The following MYT1L variants were observed in gnomAD, a reference collection of about 807,000 sequenced individuals.
MYT1L encodes the protein myelin transcription factor 1-like protein.
In MYT1L, 12 loss-of-function variants were observed where a neutral mutation model predicts 126.7. The observed-to-expected ratio is 0.09, with a 90% CI of 0.06 to 0.15. The LOEUF (loss-of-function observed/expected upper bound fraction) is 0.15, where lower values mean the gene tolerates loss of function less well. Among genes scored for constraint, MYT1L ranks in the 10% least tolerant of loss-of-function variants. The pLI is 1.00. For missense variants in MYT1L, 979 were observed against 1,585.2 expected (o/e 0.62, Z 6.49); for synonymous variants, 541 against 604.2 (o/e 0.90, Z 1.53).
intron 2 of MYT1L, among the ~76,000 whole-genome samples, chr2:2,225,610 G>A (rs2093988090): frequency 6.6e-6 from 1 of 152,008 alleles, no homozygotes; most frequent in African/African-American, 2.4e-5. Context: ...GTCTCTCCTG[G>A]GCTGTCCCAC....
At chr2:2,286,444 A>C (rs570975045) in intron 1 of MYT1L, among the ~76,000 whole-genome samples, 1 of 152,344 alleles carries the variant, frequency 6.6e-6, no homozygotes, top group African/African-American at 2.4e-5. Flanking sequence ...ATCAAATGAA[A>C]TATATGTACA....
Position 1,818,964 on chromosome 2 carries a change from C to G in MYT1L, c.3081-9797G>C, listed in dbSNP as rs116197633. On this transcript the variant is annotated intron_variant, in intron 21 of 24. Transcript: ENST00000647738. ...CAGGCAGGTGGTGCAGAAAGTGCAG[C>G]TGTGGGTGGCCGTGTGACCACCCAG... Among the ~76,000 whole-genome samples, 262 of 152,296 alleles carry G rather than the reference C, an allele frequency of 1.7e-3. 1 individual carries two copies. The highest frequency in any genetic ancestry group is 6.0e-3 in the African/African-American group (250 of 41,560).
intron 3 of MYT1L, among the ~76,000 whole-genome samples, chr2:2,115,989 C>A (rs1315909087): frequency 6.8e-6 from 1 of 147,900 alleles, no homozygotes; most frequent in Non-Finnish European, 1.5e-5. Flanking sequence ...ACAGGACGAG[C>A]CTGCTGTGCA....
intron 2 of MYT1L, among the ~76,000 whole-genome samples, chr2:2,276,717 A>G (rs1260897666): frequency 6.6e-6 from 1 of 151,820 alleles, no homozygotes; most frequent in Non-Finnish European, 1.5e-5. Flanking sequence ...GGACCCTTGA[A>G]TCTCACCCTC....
rs141593578 is a variant in MYT1L at position 1,870,270 on chromosome 2, C to T, written c.2711+16269G>A. On this transcript the variant is annotated intron_variant, in intron 18 of 24. Coordinates refer to ENST00000647738, the MANE Select transcript of MYT1L (RefSeq NM_001303052.2). Reference sequence around the variant, plus strand: ...AGTCCTCAAGCTCTCTGTCCCATTACGCTGATCTGAAGGCTCAGTCCAGGA... The same window carrying T: ...AGTCCTCAAGCTCTCTGTCCCATTATGCTGATCTGAAGGCTCAGTCCAGGA... Among the ~76,000 whole-genome samples the T allele has an allele frequency of 1.4e-4, 21 of 152,324 alleles. No individual in the cohort carries two copies. In the East Asian group the frequency reaches 4.0e-3, roughly 29 times the overall value.
At chr2:1,928,226 T>C (rs2054488033) in intron 9 of MYT1L, among the ~76,000 whole-genome samples, 2 of 152,202 alleles carry the variant, frequency 1.3e-5, no homozygotes, top group African/African-American at 2.4e-5. Flanking sequence ...AGGTGTTAGC[T>C]ACTGCACCTG....
chr2:2,215,801 G>T (rs574755076), intron 2 of MYT1L, among the ~76,000 whole-genome samples: 1 of 152,114 alleles, frequency 6.6e-6, no homozygotes. Flanking sequence ...CAAATCTCAC[G>T]TTGAATTGCA....
Position 1,979,655 on chromosome 2 carries a change from C to T in MYT1L, c.55+68G>A, listed in dbSNP as rs981350119. Reference sequence around the variant, plus strand: ...GGTGGCATGAAAGTGGGGTCAGAATCGACCTCAGTTCCGCAGGATGAAGGT... The same window carrying T: ...GGTGGCATGAAAGTGGGGTCAGAATTGACCTCAGTTCCGCAGGATGAAGGT... On this transcript the variant is annotated intron_variant, in intron 6 of 24. Transcript: ENST00000647738. The surrounding 1 kb of genome is among the most constrained non-coding windows in gnomAD (Gnocchi z 4.0). 1.8e-5 allele frequency: 29 copies of T among 1,604,688 alleles called. No homozygotes were observed. The East Asian group carries it at 5.6e-4, about 31-fold the overall frequency.
intron 21 of MYT1L, among the ~76,000 whole-genome samples, chr2:1,834,185 G>A (rs934061892): frequency 2.6e-5 from 4 of 152,194 alleles, no homozygotes; most frequent in Non-Finnish European, 4.4e-5. Flanking sequence ...CTTTGTTTGC[G>A]CAGTGGGTGG....
chr2:1,958,599 C>T (rs1172175385), intron 8 of MYT1L, among the ~76,000 whole-genome samples: 1 of 152,220 alleles, frequency 6.6e-6, no homozygotes, highest in African/African-American at 2.4e-5. Flanking sequence ...GCCAGGGCTC[C>T]AGGAGCTGCT....
intron 3 of MYT1L, among the ~76,000 whole-genome samples, chr2:2,134,575 AT>A (rs1166768400): frequency 6.6e-6 from 1 of 152,140 alleles, no homozygotes; most frequent in Non-Finnish European, 1.5e-5. Context: ...TTTAGATGGA[AT>A]TAGTGCCCTG....
intron 22 of MYT1L, 88 bp downstream of exon 22, chr2:1,808,988 G>T: frequency 8.6e-7 from 1 of 1,168,838 alleles, no homozygotes. Context: ...AAAGTGAGCT[G>T]TAACTGTCAA....
chr2:2,306,086 G>A (rs2095853909), intron 1 of MYT1L: 1 of 152,158 alleles, frequency 6.6e-6, no homozygotes, highest in Admixed American at 6.5e-5. Flanking sequence ...TTCTTTCTTT[G>A]CCATGAACCC....
intron 3 of MYT1L, among the ~76,000 whole-genome samples, chr2:2,097,445 G>A (rs1298419420): frequency 3.3e-5 from 5 of 152,096 alleles, no homozygotes; most frequent in African/African-American, 1.2e-4. Context: ...TCAAGTAGAG[G>A]CCAGGCTTCT....
At position 2,004,066 on chromosome 2, in the gene MYT1L, C is replaced by T. The variant is rs374772755; in HGVS notation, c.-157-6719G>A. Reference sequence around the variant, plus strand: ...TCTTTCCTGCATACTTTCCTGCAGGCGTTCTTTCCTGCATATGTTCTTTCC... The same window carrying T: ...TCTTTCCTGCATACTTTCCTGCAGGTGTTCTTTCCTGCATATGTTCTTTCC... On this transcript the variant is annotated intron_variant, in intron 4 of 24. Transcript: ENST00000647738. Among the ~76,000 whole-genome samples the T allele has an allele frequency of 1.3e-4, 20 of 150,946 alleles. 2 individuals carry two copies. In the East Asian group the frequency reaches 1.6e-3, roughly 12 times the overall value.
chr2:1,845,378 T>G (rs543182132), intron 19 of MYT1L, among the ~76,000 whole-genome samples: 1 of 152,128 alleles, frequency 6.6e-6, no homozygotes, highest in East Asian at 1.9e-4. Flanking sequence ...CTCACCTTCC[T>G]CCTTTGCTCA....
intron 3 of MYT1L, among the ~76,000 whole-genome samples, chr2:2,081,183 G>A (rs980206994): frequency 3.3e-5 from 5 of 152,178 alleles, no homozygotes; most frequent in African/African-American, 1.2e-4. Context: ...TCAATTAAGG[G>A]TAAAAATATG....
chr2:1,898,834 C>T (rs559771787), intron 14 of MYT1L, among the ~76,000 whole-genome samples: 3 of 152,220 alleles, frequency 2.0e-5, no homozygotes, highest in African/African-American at 4.8e-5. Context: ...GCTCTGCAGG[C>T]GGGCGTGGTG....
At chr2:1,869,469 G>A (rs1475911859) in intron 18 of MYT1L, among the ~76,000 whole-genome samples, 1 of 152,270 alleles carries the variant, frequency 6.6e-6, no homozygotes, top group Non-Finnish European at 1.5e-5. Context: ...GTGAGCCTGT[G>A]TGTGTGCCTG....
Sources: gnomAD v4.1 joint callset for allele counts (sites outside exome capture counted in the v4.1 genomes callset) on GRCh38, gnomAD v4.1.1 for gene constraint, Gnocchi (gnomAD v3.1) non-coding constraint, MANE v1.5 for transcripts, NCBI Gene and HGNC (gene_info 2026-07-23, HGNC 2026-07-21) for gene names.